PCSK5: variants seen among roughly 807,000 people sequenced by gnomAD.
PCSK5 encodes proprotein convertase subtilisin/kexin type 5, also known as prohormone convertase 5.
PCSK5 carries 129 observed loss-of-function variants against 233.2 expected under a neutral mutation model. The observed-to-expected ratio is 0.55, with a 90% confidence interval of 0.48 to 0.64. The LOEUF is 0.64. Ranked by LOEUF, PCSK5 falls within the 30% of genes least tolerant of loss-of-function variation. PCSK5 has a pLI of 0.00. For synonymous variants in PCSK5, 825 were observed against 879.2 expected (o/e 0.94, Z 1.09); for missense variants, 2,076 against 2,430.1 (o/e 0.85, Z 3.06).
intron 17 of PCSK5, among the ~76,000 whole-genome samples, chr9:76,187,270 C>T (rs1404076634): frequency 6.6e-6 from 1 of 152,134 alleles, no homozygotes; most frequent in Non-Finnish European, 1.5e-5. Flanking sequence ...AGATACTGAT[C>T]TTCTAGTTTC....
At chr9:76,230,809 C>G (rs1293367522) in intron 21 of PCSK5, among the ~76,000 whole-genome samples, 5 of 151,974 alleles carry the variant, frequency 3.3e-5, no homozygotes, top group Non-Finnish European at 5.9e-5. Flanking sequence ...TCACTGCCTC[C>G]CGTCATCCCC....
At chr9:76,013,931 T>A (rs1341322386) in intron 3 of PCSK5, among the ~76,000 whole-genome samples, 2 of 151,686 alleles carry the variant, frequency 1.3e-5, no homozygotes, top group Admixed American at 1.3e-4. Context: ...TTATTTCCCA[T>A]AATTTTTTCT....
chr9:76,244,879 C>T (rs576625753), intron 24 of PCSK5, among the ~76,000 whole-genome samples: 16 of 152,254 alleles, frequency 1.1e-4, no homozygotes, highest in African/African-American at 3.6e-4. Flanking sequence ...AAATAGATAA[C>T]ATTTTATATA....
intron 34 of PCSK5, among the ~76,000 whole-genome samples, chr9:76,335,587 T>A (rs1057148695): frequency 6.6e-6 from 1 of 152,130 alleles, no homozygotes; most frequent in Non-Finnish European, 1.5e-5. Context: ...AAAAGATGAG[T>A]CCTCAAAGCA....
At chr9:76,004,649 T>C (rs751954519) in intron 3 of PCSK5, among the ~76,000 whole-genome samples, 4 of 152,184 alleles carry the variant, frequency 2.6e-5, no homozygotes, top group Non-Finnish European at 5.9e-5. Flanking sequence ...AAAATATCAT[T>C]ATTAACTCAT....
intron 1 of PCSK5, among the ~76,000 whole-genome samples, chr9:75,900,139 T>A (rs889870042): frequency 2.0e-5 from 3 of 152,166 alleles, no homozygotes; most frequent in Non-Finnish European, 4.4e-5. Context: ...TTCTTGCCAA[T>A]GTGCTGGAGT....
chr9:76,038,079 C>G (rs1828936792), intron 5 of PCSK5, among the ~76,000 whole-genome samples: 1 of 152,176 alleles, frequency 6.6e-6, no homozygotes, highest in Non-Finnish European at 1.5e-5. Flanking sequence ...GATGAGCTGA[C>G]TGCTAACATT....
At chr9:76,304,239 G>A (rs2131429444) in intron 28 of PCSK5, among the ~76,000 whole-genome samples, 1 of 152,250 alleles carries the variant, frequency 6.6e-6, no homozygotes, top group African/African-American at 2.4e-5. Context: ...ACCCAGCCTG[G>A]CAGCCTAATC....
At chr9:76,040,900 T>C (rs1236358796) in intron 5 of PCSK5, among the ~76,000 whole-genome samples, 1 of 152,214 alleles carries the variant, frequency 6.6e-6, no homozygotes, top group Non-Finnish European at 1.5e-5. Context: ...ACTAGTGATA[T>C]ACTTACAGTA....
At chr9:76,250,584 A>G (rs78801616) in intron 24 of PCSK5, among the ~76,000 whole-genome samples, 1,870 of 152,258 alleles carry the variant, frequency 0.012, 38 homozygotes, top group African/African-American at 0.042. Flanking sequence ...ACAAATCCCA[A>G]CGGAGGGACA....
At chr9:76,225,217 C>G (rs1253240200) in intron 20 of PCSK5, among the ~76,000 whole-genome samples, 1 of 152,184 alleles carries the variant, frequency 6.6e-6, no homozygotes, top group Non-Finnish European at 1.5e-5. Context: ...ATAAATCACT[C>G]GCATAAAATC....
chr9:76,151,968 C>G (rs1823694239), intron 10 of PCSK5, among the ~76,000 whole-genome samples: 1 of 152,062 alleles, frequency 6.6e-6, no homozygotes, highest in Admixed American at 6.6e-5. Flanking sequence ...TTAATTGGAT[C>G]AATTATTAGC....
intron 24 of PCSK5, among the ~76,000 whole-genome samples, chr9:76,280,526 G>A (rs1422718070): frequency 6.6e-6 from 1 of 152,100 alleles, no homozygotes; most frequent in Non-Finnish European, 1.5e-5. Context: ...AGGATCGCTT[G>A]AGCCCAGGAA....
chr9:76,048,068 C>T (rs1006151864), intron 5 of PCSK5, among the ~76,000 whole-genome samples: 4 of 152,142 alleles, frequency 2.6e-5, no homozygotes, highest in African/African-American at 9.7e-5. Context: ...TTTCTTTCTT[C>T]CATTTTTACT....
chr9:76,282,242 T>C (rs1827899090), intron 24 of PCSK5, among the ~76,000 whole-genome samples: 1 of 139,222 alleles, frequency 7.2e-6, no homozygotes, highest in Non-Finnish European at 1.5e-5. Flanking sequence ...CTCATCCTCC[T>C]GACTAGCTAG....
intron 7 of PCSK5, among the ~76,000 whole-genome samples, chr9:76,088,608 G>C (rs530986220): frequency 6.6e-6 from 1 of 152,232 alleles, no homozygotes; most frequent in South Asian, 2.1e-4. Flanking sequence ...TATTCCCTGA[G>C]TCTTAACTCG....
intron 9 of PCSK5, among the ~76,000 whole-genome samples, chr9:76,109,439 T>TAAAA (rs57063668): frequency 0.017 from 2,612 of 150,892 alleles, 61 homozygotes; most frequent in African/African-American, 0.05. Context: ...ATTATTTTTT[T>TAAAA]AAAAAAAAAA....
In PCSK5 at chr9:76,060,379, A is replaced by T. The variant is rs145606602; in HGVS notation, c.633-7576A>T. On this transcript the variant is annotated intron_variant, in intron 5 of 37. Coordinates refer to ENST00000674117, the MANE Select transcript of PCSK5 (RefSeq NM_001372043.1). ...GGAAAATGTTATTAAGAGAATCATAAAGGAAAATTATTTTAGTATTCATTA... is the reference window on the plus strand; with the variant it reads ...GGAAAATGTTATTAAGAGAATCATATAGGAAAATTATTTTAGTATTCATTA... 3.1e-3 allele frequency among the ~76,000 whole-genome samples: 478 copies of T among 152,324 alleles called. 1 individual carries two copies. The highest frequency in any genetic ancestry group is 0.011 in the African/African-American group (448 of 41,574).
intron 32 of PCSK5, among the ~76,000 whole-genome samples, chr9:76,323,932 ATT>A (rs60451634): frequency 3.6e-5 from 5 of 139,370 alleles, no homozygotes; most frequent in Non-Finnish European, 4.6e-5. Flanking sequence ...TTCCTGGGTG[ATT>A]TTTTTTTTTT....
Sources: allele counts gnomAD v4.1 joint callset (sites outside exome capture counted in the v4.1 genomes callset), GRCh38; gene constraint gnomAD v4.1.1; transcripts MANE v1.5; gene names NCBI Gene and HGNC (gene_info 2026-07-23, HGNC 2026-07-21).